The following ZNF469 variants were observed in gnomAD, a reference collection of about 807,000 sequenced individuals.
The protein encoded by ZNF469 is zinc finger protein 469.
ZNF469 carries 1 observed loss-of-function variant against 1.0 expected under a neutral mutation model. The observed-to-expected ratio is 1.00, with a 90% confidence interval of 0.35 to 4.73. The LOEUF is 4.73. Ranked by LOEUF, ZNF469 falls within the 30% of genes most tolerant of loss-of-function variation. ZNF469 has a pLI of 0.16. For missense variants in ZNF469, 6,100 were observed against 5,356.3 expected (o/e 1.14, Z -4.33); for synonymous variants, 2,703 against 2,363.4 (o/e 1.14, Z -4.17).
At position 88,437,773 on chromosome 16, in the gene ZNF469, C is replaced by A. The variant is rs754267225; in HGVS notation, c.10303C>A (p.Arg3435Ser). 6.5e-7 allele frequency: 1 copy of A among 1,549,534 alleles called. No homozygotes were observed. The stretch of plus-strand genomic sequence containing the variant: ...CTTCGCCAAGAAGGAGCAGTTCGAC[C>A]GCCACATGAACAAGCACCTCAGGGG... ...YTFAKKEQFD[R>S]HMNKHLRGGR... The change falls in exon 3 of 3, where the codon CGC (arginine) becomes AGC (serine). Residue 3435 changes from arginine (R) to serine (S), a missense_variant. Arg to Ser is a moderately radical substitution (Grantham distance 110). Coordinates refer to ENST00000565624, the MANE Select transcript of ZNF469 (RefSeq NM_001367624.2).
the ZNF469 span, among the ~76,000 whole-genome samples, chr16:88,288,609 C>T: frequency 4.6e-5 from 7 of 152,322 alleles, no homozygotes; most frequent in South Asian, 1.5e-3. Flanking sequence ...GAATCAAAAA[C>T]AAGCTCTTCT....
chr16:88,352,610 C>G, the ZNF469 span, among the ~76,000 whole-genome samples: 1 of 152,270 alleles, frequency 6.6e-6, no homozygotes, highest in Non-Finnish European at 1.5e-5. Context: ...CTTCCCAGAA[C>G]TGGTAGACGG....
the ZNF469 span, among the ~76,000 whole-genome samples, chr16:88,365,812 T>C: frequency 6.6e-6 from 1 of 152,110 alleles, no homozygotes; most frequent in Non-Finnish European, 1.5e-5. Context: ...AAGGGTTCCA[T>C]TTACCTTATC....
the ZNF469 span, among the ~76,000 whole-genome samples, chr16:88,208,609 G>A: frequency 0.29 from 18,848 of 65,510 alleles, 3,560 homozygotes; most frequent in Non-Finnish European, 0.39. Context: ...GGGAGGCAGG[G>A]AGGGAGGGAG....
the ZNF469 span, among the ~76,000 whole-genome samples, chr16:88,351,570 CG>C: frequency 6.6e-6 from 1 of 152,190 alleles, no homozygotes; most frequent in East Asian, 1.9e-4. Flanking sequence ...GTGATGTCCC[CG>C]TGTCCTCCGC....
At position 88,434,778 on chromosome 16, in the gene ZNF469, G is replaced by T. The variant is rs768091619; in HGVS notation, c.7308G>T (p.Gly2436=). 2 of 1,550,332 alleles carry T rather than the reference G, an allele frequency of 1.3e-6. No homozygotes were observed. The highest frequency in any genetic ancestry group is 2.4e-5 in the South Asian group (2 of 84,064). ...ATGCCTCCCACCAGACTCCCCAGGG[G>T]GACCCCCTCGGCCCCCAAGACCTCA... ...HRNASHQTPQ[G]DPLGPQDLKQ... Residue 2436 remains glycine, a synonymous_variant, in exon 3 of 3, where the codon GGG becomes GGT. Coordinates refer to ENST00000565624, the MANE Select transcript of ZNF469 (RefSeq NM_001367624.2).
chr16:88,208,628 G>T, the ZNF469 span, among the ~76,000 whole-genome samples: 1 of 64,620 alleles, frequency 1.5e-5, no homozygotes, highest in African/African-American at 4.3e-5. Flanking sequence ...AGGAGAAGTG[G>T]GAGGGAGAGA....
In ZNF469 at chr16:88,393,037, C is replaced by T. The variant is rs143191777; in HGVS notation, c.-192+9783C>T. ...AGCGTGGATGTGGGATAAATCCAGGCGTGTGTGGGTGGGTTGGTCTCTGCA... is the reference window on the plus strand; with the variant it reads ...AGCGTGGATGTGGGATAAATCCAGGTGTGTGTGGGTGGGTTGGTCTCTGCA... On this transcript the variant is annotated intron_variant, in intron 1 of 2. Coordinates refer to ENST00000565624, the MANE Select transcript of ZNF469 (RefSeq NM_001367624.2). 3.5e-3 allele frequency among the ~76,000 whole-genome samples: 528 copies of T among 152,356 alleles called. 3 individuals carry two copies. Among genetic ancestry groups the T allele is most frequent in the African/African-American group, 0.012 (501 of 41,588 alleles).
chr16:88,258,967 G>A, the ZNF469 span, among the ~76,000 whole-genome samples: 1 of 152,216 alleles, frequency 6.6e-6, no homozygotes, highest in Non-Finnish European at 1.5e-5. Context: ...TTTGAGCTGA[G>A]AAGACACACG....
At chr16:88,343,131 G>T in the ZNF469 span, among the ~76,000 whole-genome samples, 1 of 152,166 alleles carries the variant, frequency 6.6e-6, no homozygotes. Context: ...GGACTGAGAA[G>T]CACAGGCATC....
At chr16:88,415,186 G>A (rs957885305) in intron 1 of ZNF469, among the ~76,000 whole-genome samples, 5 of 152,114 alleles carry the variant, frequency 3.3e-5, no homozygotes, top group South Asian at 2.1e-4. Context: ...GTGCTGGCCC[G>A]GTGACCACCC....
chr16:88,142,972 G>A, the ZNF469 span, among the ~76,000 whole-genome samples: 1 of 152,190 alleles, frequency 6.6e-6, no homozygotes, highest in Non-Finnish European at 1.5e-5. Context: ...CAGGAATAAA[G>A]ACAAGCAGAG....
rs1363888195 is a variant in ZNF469, at chr16:88,427,475, C to T, written c.5C>T (p.Pro2Leu). ...TAGCGCCAGGACGGAGGGGCCATGCCTGGGGAGCGCCCCCGAGGAGCGCCG... is the reference window on the plus strand; with the variant it reads ...TAGCGCCAGGACGGAGGGGCCATGCTTGGGGAGCGCCCCCGAGGAGCGCCG... M[P>L]GERPRGAPPP... is the part of the protein sequence containing the mutation. Residue 2 changes from proline (P) to leucine (L), a missense_variant, in exon 3 of 3, where the codon CCT (proline) becomes CTT (leucine). Pro to Leu is a moderately conservative substitution (Grantham distance 98, BLOSUM62 -3). Transcript: ENST00000565624. 2.6e-6 allele frequency: 4 copies of T among 1,513,852 alleles called. No individual in the cohort carries two copies. Among genetic ancestry groups the T allele is most frequent in the Non-Finnish European group, 3.5e-6 (4 of 1,133,854 alleles). The allele number at this position is 1,513,852 out of a possible 1,614,324, so 93.8% of individuals were successfully genotyped here.
Position 88,438,847 on chromosome 16 carries a change from C to T in ZNF469, c.11377C>T (p.Pro3793Ser). 1.9e-6 allele frequency: 3 copies of T among 1,550,384 alleles called. No homozygotes were observed. The highest frequency in any genetic ancestry group is 1.7e-6 in the Non-Finnish European group (2 of 1,146,976). Reference sequence around the variant, plus strand: ...CCAAGCCAAGAGCTGCACCAAGGGGCCAAGGGAAGCTGGTGAGCAGGGGCC... The same window carrying T: ...CCAAGCCAAGAGCTGCACCAAGGGGTCAAGGGAAGCTGGTGAGCAGGGGCC... ...RAQAKSCTKG[P>S]REAGEQGPHG... The change falls in exon 3 of 3, where the codon CCA becomes TCA. Residue 3793 changes from proline (P) to serine (S), a missense_variant. Coordinates refer to ENST00000565624, the MANE Select transcript of ZNF469 (RefSeq NM_001367624.2).
At chr16:88,192,011 C>G in the ZNF469 span, 1 of 152,152 alleles carries the variant, frequency 6.6e-6, no homozygotes, top group Non-Finnish European at 1.5e-5. Context: ...AAGGTGGGAC[C>G]CCATGATGGG....
At chr16:88,333,684 C>T in the ZNF469 span, among the ~76,000 whole-genome samples, 6 of 152,224 alleles carry the variant, frequency 3.9e-5, no homozygotes, top group Admixed American at 3.9e-4. Context: ...GTGGCCGGGG[C>T]TGCCTGCCCA....
In ZNF469 at chr16:88,439,738, G is replaced by A. The variant is rs946415112; in HGVS notation, c.*406G>A. 6 of 282,190 alleles carry A rather than the reference G, an allele frequency of 2.1e-5. No individual in the cohort carries two copies. Among genetic ancestry groups the A allele is most frequent in the East Asian group, 9.6e-5 (1 of 10,378 alleles). The allele number at this position is 282,190 out of a possible 1,614,324, so 17.5% of individuals were successfully genotyped here. ...AGAAGGGAAGTAAGTTGAGGCAGCC[G>A]TGGGATGGTGGTAGGTTCCCTCTTA... On this transcript the variant is annotated 3_prime_UTR_variant, in exon 3 of 3. Coordinates refer to ENST00000565624, the MANE Select transcript of ZNF469 (RefSeq NM_001367624.2).
chr16:88,410,603 G>T (rs987662277), intron 1 of ZNF469, among the ~76,000 whole-genome samples: 2 of 150,202 alleles, frequency 1.3e-5, no homozygotes, highest in African/African-American at 4.9e-5. Context: ...TCATGGAGAA[G>T]TTCACGGTGC....
the ZNF469 span, among the ~76,000 whole-genome samples, chr16:88,129,823 A>G: frequency 2.0e-5 from 3 of 152,252 alleles, no homozygotes; most frequent in Non-Finnish European, 4.4e-5. Flanking sequence ...GTGCCATTGC[A>G]CTTCAGCAGC....
Sources: gnomAD v4.1 joint callset for allele counts (sites outside exome capture counted in the v4.1 genomes callset) on GRCh38, gnomAD v4.1.1 for gene constraint, MANE v1.5 for transcripts, NCBI Gene and HGNC (gene_info 2026-07-23, HGNC 2026-07-21) for gene names.